Variants in AKAP13 observed in about 807,000 individuals in gnomAD.
AKAP13 encodes the protein A-kinase anchoring protein 13.
In AKAP13, 80 loss-of-function variants were observed where a neutral mutation model predicts 264.5. That is an observed-to-expected ratio of 0.30 (90% CI 0.25 to 0.36). AKAP13 has a LOEUF of 0.36. AKAP13 is among the 10% of genes least tolerant of loss of function. The pLI is 1.00. For synonymous variants in AKAP13, 1,380 were observed against 1,250.2 expected (o/e 1.10, Z -2.19); for missense variants, 3,712 against 3,435.2 (o/e 1.08, Z -2.01).
At chr15:85,646,333 G>C (rs2082558518) in intron 10 of AKAP13, among the ~76,000 whole-genome samples, 1 of 152,060 alleles carries the variant, frequency 6.6e-6, no homozygotes. Context: ...AAATTAGCTG[G>C]ACGTGCTCAC....
At chr15:85,681,235 C>G (rs999233487) in intron 14 of AKAP13, among the ~76,000 whole-genome samples, 2 of 152,150 alleles carry the variant, frequency 1.3e-5, no homozygotes, top group Non-Finnish European at 2.9e-5. Flanking sequence ...GGTGTTTTGT[C>G]TAAATCGTTA....
At chr15:85,476,556 T>A (rs2151033832) in intron 1 of AKAP13, among the ~76,000 whole-genome samples, 1 of 152,374 alleles carries the variant, frequency 6.6e-6, no homozygotes, top group Admixed American at 6.5e-5. Flanking sequence ...TAACTACACA[T>A]CTTTAATTTT....
At chr15:85,649,425 C>T (rs2082704332) in intron 10 of AKAP13, among the ~76,000 whole-genome samples, 6 of 152,226 alleles carry the variant, frequency 3.9e-5, no homozygotes, top group Admixed American at 3.9e-4. Context: ...TGGTCACCCC[C>T]AGAGTGTGCT....
chr15:85,541,568 G>A (rs1215236997), intron 4 of AKAP13, among the ~76,000 whole-genome samples: 1 of 152,188 alleles, frequency 6.6e-6, no homozygotes, highest in Non-Finnish European at 1.5e-5. Flanking sequence ...AAGAAACAGG[G>A]TGGAGTAATG....
At chr15:85,728,591 C>G (rs749997777) in intron 29 of AKAP13, among the ~76,000 whole-genome samples, 3 of 152,200 alleles carry the variant, frequency 2.0e-5, no homozygotes, top group African/African-American at 4.8e-5. Context: ...TATTAGACCA[C>G]AGGCACAATT....
intron 17 of AKAP13, among the ~76,000 whole-genome samples, chr15:85,707,562 GTATT>G (rs1218537601): frequency 6.6e-6 from 1 of 152,156 alleles, no homozygotes; most frequent in Non-Finnish European, 1.5e-5. Flanking sequence ...CTTTATTAAT[GTATT>G]TATTTGTAAT....
chr15:85,673,912 C>T (rs532616816), intron 14 of AKAP13, among the ~76,000 whole-genome samples: 36 of 151,598 alleles, frequency 2.4e-4, no homozygotes, highest in African/African-American at 5.3e-4. Flanking sequence ...AGAATGGTCT[C>T]GATCTCCTGA....
chr15:85,738,476 A>G (rs2088704191), intron 33 of AKAP13, among the ~76,000 whole-genome samples: 1 of 152,202 alleles, frequency 6.6e-6, no homozygotes, highest in Non-Finnish European at 1.5e-5. Context: ...TTGTTTTTAA[A>G]TGTATTATAA....
chr15:85,548,399 A>G (rs1307002752), intron 5 of AKAP13, among the ~76,000 whole-genome samples: 3 of 152,210 alleles, frequency 2.0e-5, no homozygotes, highest in African/African-American at 7.2e-5. Flanking sequence ...ATAAAGGTGC[A>G]TAAATATTTC....
At chr15:85,460,570 C>T (rs933456263) in intron 1 of AKAP13, among the ~76,000 whole-genome samples, 2 of 152,178 alleles carry the variant, frequency 1.3e-5, no homozygotes, top group African/African-American at 4.8e-5. Context: ...GAACATTTTA[C>T]CTTATATGGC....
Position 85,743,723 on chromosome 15 carries a change from C to T in AKAP13, c.8290C>T (p.Pro2764Ser). 1 of 1,614,076 alleles carries T rather than the reference C, an allele frequency of 6.2e-7. No homozygotes were observed. The highest frequency in any genetic ancestry group is 8.5e-7 in the Non-Finnish European group (1 of 1,180,016). ...AGGACCAGAAGGGCAGAGCCAGGCCCCTGCGTCCACCTCTGCCTCTACCCG... is the reference window on the plus strand; with the variant it reads ...AGGACCAGAAGGGCAGAGCCAGGCCTCTGCGTCCACCTCTGCCTCTACCCG... ...NKGPEGQSQA[P>S]ASTSASTRLF... Residue 2764 changes from proline to serine, a missense_variant, in exon 36 of 37, where the codon CCT becomes TCT. Coordinates refer to ENST00000394518, the MANE Select transcript of AKAP13 (RefSeq NM_007200.5).
intron 2 of AKAP13, among the ~76,000 whole-genome samples, chr15:85,516,102 T>C (rs1372909353): frequency 6.6e-6 from 1 of 152,198 alleles, no homozygotes; most frequent in African/African-American, 2.4e-5. Context: ...TCCCTTTCTG[T>C]CTCTTCAGAT....
At chr15:85,451,599 T>C (rs2074092444) in intron 1 of AKAP13, among the ~76,000 whole-genome samples, 1 of 152,262 alleles carries the variant, frequency 6.6e-6, no homozygotes, top group African/African-American at 2.4e-5. Flanking sequence ...TTTGCTTTCC[T>C]GAAAAGGATC....
At chr15:85,492,918 A>C (rs537024092) in intron 2 of AKAP13, among the ~76,000 whole-genome samples, 201 of 151,800 alleles carry the variant, frequency 1.3e-3, no homozygotes, top group Middle Eastern at 3.4e-3. Context: ...TATTGAATCT[A>C]CATAATTTAT....
At chr15:85,561,051 ATTTT>A (rs11311086) in intron 5 of AKAP13, among the ~76,000 whole-genome samples, 13 of 109,486 alleles carry the variant, frequency 1.2e-4, no homozygotes, top group Admixed American at 2.0e-4. Flanking sequence ...GGATGTAAGG[ATTTT>A]TTTTTTTTTT....
chr15:85,741,219 C>T lies in AKAP13; in HGVS notation c.7782C>T (p.Tyr2594=). ...LANLQKQQAQ[Y]LEEKRRRERE... The stretch of plus-strand genomic sequence containing the variant: ...ACCTGCAGAAGCAGCAGGCCCAGTA[C>T]CTCGAGGAGAAGCGCAGGCGCGAGC... Residue 2594 remains tyrosine (Y), a synonymous_variant, in exon 35 of 37, where the codon TAC becomes TAT. Transcript: ENST00000394518. The T allele has an allele frequency of 6.2e-7, 1 of 1,609,718 alleles. No homozygotes were observed. The highest frequency in any genetic ancestry group is 8.5e-7 in the Non-Finnish European group (1 of 1,178,042).
At chr15:85,482,480 G>C (rs765087067) in intron 1 of AKAP13, among the ~76,000 whole-genome samples, 4 of 152,158 alleles carry the variant, frequency 2.6e-5, no homozygotes, top group African/African-American at 4.8e-5. Context: ...GCACATTGTA[G>C]GTGCACAATG....
chr15:85,637,740 T>C (rs1330094838), intron 8 of AKAP13, among the ~76,000 whole-genome samples: 1 of 152,180 alleles, frequency 6.6e-6, no homozygotes, highest in African/African-American at 2.4e-5. Flanking sequence ...TGTTCTAATA[T>C]AGGCATGTAA....
At chr15:85,604,843 T>C (rs184217361) in intron 8 of AKAP13, among the ~76,000 whole-genome samples, 1 of 152,276 alleles carries the variant, frequency 6.6e-6, no homozygotes, top group East Asian at 1.9e-4. Context: ...AAACCCTACT[T>C]ATATGAAAGA....
Sources: gnomAD v4.1 joint callset for allele counts (sites outside exome capture counted in the v4.1 genomes callset) on GRCh38, gnomAD v4.1.1 for gene constraint, MANE v1.5 for transcripts, NCBI Gene and HGNC (gene_info 2026-07-23, HGNC 2026-07-21) for gene names.